Variants in KDM2A observed in about 807,000 individuals in gnomAD.
KDM2A encodes lysine-specific demethylase 2A.
In KDM2A, 3 loss-of-function variants were observed where a neutral mutation model predicts 137.3. That is an observed-to-expected ratio of 0.02 (90% CI 0.01 to 0.06). The LOEUF is 0.06. KDM2A is among the 10% of genes least tolerant of loss of function. The pLI is 1.00. For synonymous variants in KDM2A, 512 were observed against 541.5 expected (o/e 0.95, Z 0.76); for missense variants, 738 against 1,510.6 (o/e 0.49, Z 8.48).
At chr11:67,207,322 T>G (rs1857833879) in intron 5 of KDM2A, among the ~76,000 whole-genome samples, 188 bp from the exon 6 acceptor site, 1 of 152,232 alleles carries the variant, frequency 6.6e-6, no homozygotes, top group Admixed American at 6.5e-5. Flanking sequence ...TAATTATTAT[T>G]AACATTATCC....
In KDM2A at chr11:67,226,240, G is replaced by C. The variant is rs144818958; in HGVS notation, c.958-1797G>C. On this transcript the variant is annotated intron_variant, in intron 10 of 20. Coordinates refer to ENST00000529006, the MANE Select transcript of KDM2A (RefSeq NM_012308.3). ...CCACTGCACACTAGCCTTGGTGACA[G>C]AGCGAGATTCCATCTCAAAAAAAAA... Among the ~76,000 whole-genome samples, 888 of 152,016 alleles carry C rather than the reference G, an allele frequency of 5.8e-3. 7 individuals carry two copies. The highest frequency in any genetic ancestry group is 0.041 in the South Asian group (198 of 4,816).
chr11:67,165,049 C>T (rs148917213), intron 2 of KDM2A, among the ~76,000 whole-genome samples: 2,339 of 151,906 alleles, frequency 0.015, 38 homozygotes, highest in Middle Eastern at 0.028. Flanking sequence ...GAGGTCTTGC[C>T]AGGACTGTAA....
intron 6 of KDM2A, among the ~76,000 whole-genome samples, chr11:67,210,773 G>A (rs1473119214): frequency 6.6e-6 from 1 of 152,172 alleles, no homozygotes; most frequent in Non-Finnish European, 1.5e-5. Flanking sequence ...GAATAAGATA[G>A]AAGACTTCAT....
chr11:67,236,999 G>A (rs1054910183), intron 12 of KDM2A, among the ~76,000 whole-genome samples: 1 of 152,136 alleles, frequency 6.6e-6, no homozygotes, highest in Non-Finnish European at 1.5e-5. Context: ...CATGACACAG[G>A]GCACAGAGAA....
intron 12 of KDM2A, among the ~76,000 whole-genome samples, chr11:67,241,293 T>A (rs531567867): frequency 6.6e-6 from 1 of 152,268 alleles, no homozygotes; most frequent in Admixed American, 6.5e-5. Flanking sequence ...CCCCACGCTG[T>A]ATGGTACTAA....
intron 2 of KDM2A, among the ~76,000 whole-genome samples, chr11:67,127,458 C>G (rs1409514289): frequency 6.6e-6 from 1 of 151,610 alleles, no homozygotes; most frequent in African/African-American, 2.4e-5. Context: ...GTTTTTAGCA[C>G]TTTCACCTAG....
chr11:67,142,166 G>A (rs1856119824), intron 2 of KDM2A, among the ~76,000 whole-genome samples: 2 of 151,636 alleles, frequency 1.3e-5, no homozygotes, highest in South Asian at 2.1e-4. Context: ...AGCCTCCTGA[G>A]TAATGGTTTA....
At chr11:67,126,761 C>G (rs1023368943) in intron 2 of KDM2A, among the ~76,000 whole-genome samples, 1 of 149,876 alleles carries the variant, frequency 6.7e-6, no homozygotes, top group Non-Finnish European at 1.5e-5. Flanking sequence ...TTACCTATTA[C>G]GTGTGGAAAA....
chr11:67,235,144 CAAA>C (rs963893914), intron 12 of KDM2A, among the ~76,000 whole-genome samples: 7 of 63,702 alleles, frequency 1.1e-4, no homozygotes, highest in Non-Finnish European at 1.0e-4. Context: ...GACTCCATCT[CAAA>C]AAAAAAAAAA....
At chr11:67,146,003 T>A (rs527611911) in intron 2 of KDM2A, among the ~76,000 whole-genome samples, 1 of 151,248 alleles carries the variant, frequency 6.6e-6, no homozygotes, top group African/African-American at 2.4e-5. Context: ...TTTTTGTTTT[T>A]TTTTTTTGAG....
chr11:67,178,176 C>T (rs1020503910), intron 2 of KDM2A, among the ~76,000 whole-genome samples: 2 of 152,052 alleles, frequency 1.3e-5, no homozygotes, highest in South Asian at 4.1e-4. Context: ...AAGGCTGAGG[C>T]GTGCAGATCG....
rs538596364 is a variant in KDM2A at position 67,121,001 on chromosome 11, C to G, written c.-83-233C>G. 6.6e-5 allele frequency among the ~76,000 whole-genome samples: 10 copies of G among 152,066 alleles called. No homozygotes were observed. In the South Asian group the frequency reaches 1.9e-3, roughly 28 times the overall value. On this transcript the variant is annotated intron_variant, in intron 1 of 20. Coordinates refer to ENST00000529006, the MANE Select transcript of KDM2A (RefSeq NM_012308.3). ...AGAAACTGGTGGTGTGGCCCTTCCA[C>G]AAGGAACTGAAACCAACATCTCGTT...
At chr11:67,238,695 C>T (rs1005266568) in intron 12 of KDM2A, among the ~76,000 whole-genome samples, 2 of 152,192 alleles carry the variant, frequency 1.3e-5, no homozygotes, top group African/African-American at 4.8e-5. Flanking sequence ...CTCACTCAAA[C>T]AACTGTCCTG....
intron 2 of KDM2A, among the ~76,000 whole-genome samples, 188 bp downstream of exon 2, chr11:67,121,546 T>A (rs1431151230): frequency 1.3e-5 from 2 of 152,256 alleles, no homozygotes; most frequent in Non-Finnish European, 2.9e-5. Context: ...ATATTTTATA[T>A]ATTTATCTTG....
intron 5 of KDM2A, among the ~76,000 whole-genome samples, chr11:67,193,231 C>A (rs553937284): frequency 3.9e-5 from 6 of 152,134 alleles, no homozygotes; most frequent in African/African-American, 1.4e-4. Context: ...CTCAGGTGAT[C>A]CACCCGCCTC....
rs368375687 is a variant in KDM2A at position 67,231,630 on chromosome 11, A to T, written c.1149A>T (p.Arg383=). Reference sequence around the variant, plus strand: ...AGGAAGCAGTGGATCGAGAACCCCGACGCTTGAGCAGCAGGCGTTCTGTCC... The same window carrying T: ...AGGAAGCAGTGGATCGAGAACCCCGTCGCTTGAGCAGCAGGCGTTCTGTCC... ...GDEEAVDREP[R]RLSSRRSVLT... Residue 383 remains arginine (R), a synonymous_variant, in exon 12 of 21, where the codon CGA becomes CGT. Transcript: ENST00000529006. 1.7e-5 allele frequency: 28 copies of T among 1,612,754 alleles called. No homozygotes were observed. The African/African-American group carries it at 2.4e-4, about 14-fold the overall frequency.
chr11:67,218,952 G>A (rs1371226835), intron 9 of KDM2A, among the ~76,000 whole-genome samples: 3 of 152,176 alleles, frequency 2.0e-5, no homozygotes, highest in Non-Finnish European at 4.4e-5. Flanking sequence ...TCTTCTTCCA[G>A]TGTGGCCCAG....
At chr11:67,229,123 A>G (rs1378490486) in intron 11 of KDM2A, among the ~76,000 whole-genome samples, 1 of 152,228 alleles carries the variant, frequency 6.6e-6, no homozygotes, top group Non-Finnish European at 1.5e-5. Flanking sequence ...GCACTATACT[A>G]AGCAATTTAC....
intron 2 of KDM2A, among the ~76,000 whole-genome samples, chr11:67,140,823 A>G (rs1471714664): frequency 6.6e-6 from 1 of 152,140 alleles, no homozygotes; most frequent in Non-Finnish European, 1.5e-5. Context: ...AGCATATTTA[A>G]TTCACCAGTT....
Sources: gnomAD v4.1 joint callset for allele counts (sites outside exome capture counted in the v4.1 genomes callset) on GRCh38, gnomAD v4.1.1 for gene constraint, MANE v1.5 for transcripts, NCBI Gene and HGNC (gene_info 2026-07-23, HGNC 2026-07-21) for gene names.